Variants in ZNF280C observed in about 807,000 individuals in gnomAD.
ZNF280C encodes suppressor of hairy wing homolog 3.
Under a neutral mutation model 53.6 loss-of-function variants are expected in ZNF280C, and 14 were observed. The ratio of observed to expected loss-of-function variants is 0.26; its 90% CI spans 0.17 to 0.41. The LOEUF is 0.41. Among genes scored for constraint, ZNF280C ranks in the 10% least tolerant of loss-of-function variants. ZNF280C has a pLI of 1.00. For missense variants in ZNF280C, 416 were observed against 547.1 expected (o/e 0.76, Z 2.39); for synonymous variants, 203 against 181.1 (o/e 1.12, Z -0.97).
chrX:130,239,885 T>A (rs1055355234), intron 5 of ZNF280C, among the ~76,000 whole-genome samples, 192 bp from the exon 6 acceptor site: 2 of 111,352 alleles, frequency 1.8e-5, no homozygotes, highest in African/African-American at 6.5e-5. Context: ...ATTTTTGTAA[T>A]TTTTCTGTAA....
In ZNF280C at chrX:130,216,169, G is replaced by C. The variant is rs1603240174; in HGVS notation, c.1528-68C>G. On this transcript the variant is annotated intron_variant, in intron 13 of 18. Transcript: ENST00000370978. Reference sequence around the variant, plus strand: ...TCGCATTAGTATTAAAAATATCATTGTAAGCCGTAAATATCACATTTACGG... The same window carrying C: ...TCGCATTAGTATTAAAAATATCATTCTAAGCCGTAAATATCACATTTACGG... 10 of 968,799 alleles carry C rather than the reference G, an allele frequency of 1.0e-5. No homozygotes were observed. In the East Asian group the frequency reaches 3.1e-4, roughly 30 times the overall value. 79.8% of individuals were successfully genotyped at this position (968,799 alleles called of 1,213,427 possible). A position where few individuals can be genotyped will look rare whatever the true frequency, so the allele number is the denominator to read the frequency against.
Position 130,230,730 on chromosome X carries a change from G to GA in ZNF280C, c.772-4dup, listed in dbSNP as rs1569435415. 2 of 1,145,674 alleles carry GA rather than the reference G, an allele frequency of 1.7e-6. No homozygotes were observed. The highest frequency in any genetic ancestry group is 3.6e-5 in the African/African-American group (2 of 55,247). 94.4% of individuals were successfully genotyped at this position (1,145,674 alleles called of 1,213,427 possible). On this transcript the variant is annotated splice_polypyrimidine_tract_variant and splice_region_variant and intron_variant, in intron 8 of 18. Coordinates refer to ENST00000370978, the MANE Select transcript of ZNF280C (RefSeq NM_017666.5). ...GTTATCATGTCTGGACAACAATGCT[G>GA]AAAGAGGAAAAAAATATGAGCCTTG...
At chrX:130,222,849 T>A in intron 12 of ZNF280C, among the ~76,000 whole-genome samples, 1 of 110,527 alleles carries the variant, frequency 9.0e-6, no homozygotes, top group Admixed American at 9.6e-5. Context: ...TTTTTAGAGA[T>A]GGGGCAGGGC....
rs753560724 is a variant in ZNF280C, at chrX:130,225,748, C to CT, written c.1395+1010dup. Among the ~76,000 whole-genome samples the CT allele has an allele frequency of 2.0e-4, 22 of 110,345 alleles. 1 individual carries two copies. Among genetic ancestry groups the CT allele is most frequent in the Non-Finnish European group, 3.6e-4 (19 of 52,795 alleles). On this transcript the variant is annotated intron_variant, in intron 12 of 18. Coordinates refer to ENST00000370978, the MANE Select transcript of ZNF280C (RefSeq NM_017666.5). ...GTGTTTGGAAATTCTATTTTTATGA[C>CT]TTTTTTTCCAATTAACAACTATAAG...
intron 2 of ZNF280C, among the ~76,000 whole-genome samples, chrX:130,251,075 C>T (rs1008621046): frequency 1.0e-4 from 11 of 107,510 alleles, no homozygotes; most frequent in East Asian, 2.9e-4. Flanking sequence ...CCAGCCTGTG[C>T]GACAGAGTAA....
At position 130,243,261 on chromosome X, in the gene ZNF280C, C is replaced by A. The variant is rs141681231; in HGVS notation, c.381+302G>T. Reference sequence around the variant, plus strand: ...GCAGTGGTATGATCTTGGCTCACTGCAGCCTTGACCTCCAGGGCTCAAGCA... The same window carrying A: ...GCAGTGGTATGATCTTGGCTCACTGAAGCCTTGACCTCCAGGGCTCAAGCA... On this transcript the variant is annotated intron_variant, in intron 5 of 18. Coordinates refer to ENST00000370978, the MANE Select transcript of ZNF280C (RefSeq NM_017666.5). 7.7e-3 allele frequency among the ~76,000 whole-genome samples: 855 copies of A among 111,718 alleles called. 8 individuals carry two copies. The highest frequency in any genetic ancestry group is 0.027 in the African/African-American group (826 of 30,723).
Position 130,211,392 on chromosome X carries a change from T to C in ZNF280C, c.1980-1677A>G, listed in dbSNP as rs189075606. ...ATACTGAATATGAAGAGCCTATACA[T>C]TGGGGAAGATAGATCAATTTTGAGG... On this transcript the variant is annotated intron_variant, in intron 15 of 18. Coordinates refer to ENST00000370978, the MANE Select transcript of ZNF280C (RefSeq NM_017666.5). Among the ~76,000 whole-genome samples, 10 of 112,079 alleles carry C rather than the reference T, an allele frequency of 8.9e-5. No individual in the cohort carries two copies. The East Asian group carries it at 2.2e-3, about 25-fold the overall frequency.
At chrX:130,242,608 C>T (rs1034885215) in intron 5 of ZNF280C, among the ~76,000 whole-genome samples, 1 of 112,074 alleles carries the variant, frequency 8.9e-6, no homozygotes, top group Admixed American at 9.4e-5. Flanking sequence ...TGTGCGATCT[C>T]GGCTCACTGC....
Position 130,218,396 on chromosome X carries a change from T to G in ZNF280C, c.1527+1953A>C, listed in dbSNP as rs140056154. On this transcript the variant is annotated intron_variant, in intron 13 of 18. Coordinates refer to ENST00000370978, the MANE Select transcript of ZNF280C (RefSeq NM_017666.5). ...AATTCATCACACAGCATGGTGGTTA[T>G]AATAATGCTCAGAATTTCCTTAATG... 8.0e-5 allele frequency among the ~76,000 whole-genome samples: 9 copies of G among 111,970 alleles called. No homozygotes were observed. In the East Asian group the frequency reaches 2.0e-3, roughly 24 times the overall value.
Position 130,243,559 on chromosome X carries a change from T to C in ZNF280C, c.381+4A>G, listed in dbSNP as rs1375531591. ...ATTAATTGTGTAATTTTATAAACAC[T>C]TACAGGTTTAGACGCATTCTCAACA... is the stretch of plus-strand genomic sequence containing the variant. On this transcript the variant is annotated splice_donor_region_variant and intron_variant, in intron 5 of 18. Transcript: ENST00000370978. 8.3e-7 allele frequency: 1 copy of C among 1,201,508 alleles called. No homozygotes were observed. The highest frequency in any genetic ancestry group is 1.1e-6 in the Non-Finnish European group (1 of 891,135).
Position 130,239,564 on chromosome X carries a change from A to G in ZNF280C, c.493+18T>C, listed in dbSNP as rs2032367304. The stretch of plus-strand genomic sequence containing the variant: ...AAGTCTCTTTTTATAATTTTTATGA[A>G]AGAGTGCTAAACCAAACCTTCTCTA... On this transcript the variant is annotated intron_variant, in intron 6 of 18. Transcript: ENST00000370978. 12 of 979,347 alleles carry G rather than the reference A, an allele frequency of 1.2e-5. No homozygotes were observed. Among genetic ancestry groups the G allele is most frequent in the Non-Finnish European group, 1.7e-5 (12 of 696,952 alleles). The allele number at this position is 979,347 out of a possible 1,213,427, so 80.7% of individuals were successfully genotyped here. A position where few individuals can be genotyped will look rare whatever the true frequency, so the allele number is the denominator to read the frequency against.
At chrX:130,228,901 G>A in intron 10 of ZNF280C, 76 bp downstream of exon 10, 9 of 978,681 alleles carry the variant, frequency 9.2e-6, no homozygotes, top group Non-Finnish European at 1.2e-5. Flanking sequence ...TTTTCTGCCA[G>A]AATTTTTAAG....
chrX:130,232,140 A>C (rs1209191191), intron 8 of ZNF280C, among the ~76,000 whole-genome samples: 1 of 106,803 alleles, frequency 9.4e-6, no homozygotes, highest in Non-Finnish European at 1.9e-5. Context: ...CTTTGAGCAC[A>C]GCTAACCTGC....
chrX:130,261,507 T>C (rs1225610548), intron 1 of ZNF280C, among the ~76,000 whole-genome samples: 4 of 111,935 alleles, frequency 3.6e-5, no homozygotes, highest in African/African-American at 1.3e-4. Flanking sequence ...AAGGGGAAAA[T>C]ATTACTTTAA....
intron 15 of ZNF280C, among the ~76,000 whole-genome samples, chrX:130,212,615 C>T (rs190547329): frequency 1.5e-3 from 6 of 3,984 alleles, no homozygotes; most frequent in Admixed American, 0.01. Flanking sequence ...ATGTAGGTGG[C>T]GTTGGGGGGT....
At chrX:130,249,945 T>C (rs1364879879) in intron 2 of ZNF280C, among the ~76,000 whole-genome samples, 2 of 111,774 alleles carry the variant, frequency 1.8e-5, no homozygotes, top group African/African-American at 6.5e-5. Flanking sequence ...ATAGACAAAA[T>C]AGCCAGTATA....
At chrX:130,238,496 A>G (rs955608102) in intron 6 of ZNF280C, among the ~76,000 whole-genome samples, 4 of 111,330 alleles carry the variant, frequency 3.6e-5, no homozygotes, top group Non-Finnish European at 7.6e-5. Flanking sequence ...TACCTTCCCA[A>G]TCAACTATAA....
At position 130,204,930 on chromosome X, in the gene ZNF280C, T is replaced by A; in HGVS notation, c.*47A>T. The A allele has an allele frequency of 9.4e-7, 1 of 1,063,163 alleles. No individual in the cohort carries two copies. Among genetic ancestry groups the A allele is most frequent in the Non-Finnish European group, 1.2e-6 (1 of 819,117 alleles). 87.6% of individuals were successfully genotyped at this position (1,063,163 alleles called of 1,213,427 possible). A position where few individuals can be genotyped will look rare whatever the true frequency, so the allele number is the denominator to read the frequency against. On this transcript the variant is annotated 3_prime_UTR_variant, in exon 19 of 19. Transcript: ENST00000370978. ...CTTCAGAACTTTGAACTTAGGAACT[T>A]CCAACTTGTCTTGCACCAGGTTGCA...
intron 8 of ZNF280C, among the ~76,000 whole-genome samples, chrX:130,231,175 G>A (rs1335618854): frequency 9.0e-6 from 1 of 111,539 alleles, no homozygotes; most frequent in Admixed American, 9.5e-5. Context: ...ACTAAAAATG[G>A]AACTACCATT....
Sources: allele counts gnomAD v4.1 joint callset (sites outside exome capture counted in the v4.1 genomes callset), GRCh38; gene constraint gnomAD v4.1.1; transcripts MANE v1.5; gene names NCBI Gene and HGNC (gene_info 2026-07-23, HGNC 2026-07-21).